Variants in EFCAB11 observed in about 807,000 individuals in gnomAD.
EFCAB11 encodes EF-hand calcium-binding domain-containing protein 11.
A neutral mutation model predicts 23.0 loss-of-function variants in EFCAB11; 14 were observed. The observed-to-expected ratio is 0.61, with a 90% CI of 0.40 to 0.95. EFCAB11 has a LOEUF of 0.95. Among genes scored for constraint, EFCAB11 ranks in the 40% least tolerant of loss-of-function variants. The pLI is 0.00. For synonymous variants in EFCAB11, 65 were observed against 66.6 expected, an observed-to-expected ratio of 0.98 and a Z score of 0.11; for missense variants, 198 against 195.8, an observed-to-expected ratio of 1.01 and a Z score of -0.07.
chr14:89,892,572 T>A, intron 5 of EFCAB11: 1 of 769,826 alleles, frequency 1.3e-6, no homozygotes, highest in Non-Finnish European at 2.0e-6. Flanking sequence ...ACAGTCATGC[T>A]TCCTGGATTT....
chr14:89,924,053 C>G, intron 5 of EFCAB11: 1 of 985,574 alleles, frequency 1.0e-6, no homozygotes, highest in Non-Finnish European at 1.2e-6. Context: ...GATATAACAT[C>G]TATATAATTT....
At chr14:89,801,161 C>T (rs1885767633) in intron 5 of EFCAB11, among the ~76,000 whole-genome samples, 2 of 151,962 alleles carry the variant, frequency 1.3e-5, no homozygotes, top group South Asian at 4.1e-4. Flanking sequence ...CAGGGAGATG[C>T]CATATAAGAA....
At chr14:89,844,699 C>A (rs959404814) in intron 5 of EFCAB11, among the ~76,000 whole-genome samples, 2 of 152,258 alleles carry the variant, frequency 1.3e-5, no homozygotes, top group Non-Finnish European at 2.9e-5. Context: ...CATCCCCACA[C>A]CCGATACCTG....
intron 5 of EFCAB11, among the ~76,000 whole-genome samples, chr14:89,908,483 C>T (rs1889564809): frequency 6.6e-6 from 1 of 152,152 alleles, no homozygotes; most frequent in Admixed American, 6.5e-5. Context: ...ACTTCTTATG[C>T]ACAAAACTAT....
At chr14:89,834,435 G>GCAAGA (rs1887004591) in intron 5 of EFCAB11, among the ~76,000 whole-genome samples, 1 of 147,696 alleles carries the variant, frequency 6.8e-6, no homozygotes, top group African/African-American at 2.5e-5. Flanking sequence ...AGATTTGTGA[G>GCAAGA]TCTACTTGCA....
intron 5 of EFCAB11, among the ~76,000 whole-genome samples, chr14:89,820,596 G>T (rs1489186647): frequency 6.6e-6 from 1 of 151,370 alleles, no homozygotes; most frequent in Non-Finnish European, 1.5e-5. Context: ...ACTCCCACTC[G>T]GCCCACATAA....
At chr14:89,869,559 A>G (rs1888203681) in intron 5 of EFCAB11, among the ~76,000 whole-genome samples, 1 of 152,234 alleles carries the variant, frequency 6.6e-6, no homozygotes, top group Non-Finnish European at 1.5e-5. Context: ...TGCCACTGTT[A>G]GAAGCATGAG....
At chr14:89,869,138 G>A (rs1167715690) in intron 5 of EFCAB11, among the ~76,000 whole-genome samples, 3 of 152,292 alleles carry the variant, frequency 2.0e-5, no homozygotes, top group Middle Eastern at 3.4e-3. Flanking sequence ...AGGAGCTCGA[G>A]GCTGCAGTGA....
At chr14:89,935,963 G>A (rs1293136620) in intron 3 of EFCAB11, among the ~76,000 whole-genome samples, 1 of 151,950 alleles carries the variant, frequency 6.6e-6, no homozygotes, top group Non-Finnish European at 1.5e-5. Context: ...AGCCGAGATC[G>A]TGCCACTGCA....
At chr14:89,925,479 T>C (rs943904365) in intron 5 of EFCAB11, among the ~76,000 whole-genome samples, 1 of 152,190 alleles carries the variant, frequency 6.6e-6, no homozygotes, top group African/African-American at 2.4e-5. Flanking sequence ...ACATTAATTC[T>C]ATAGTACAAA....
Position 89,860,366 on chromosome 14 carries a change from A to AAAACAAACAAACAAAC in EFCAB11, c.411-63058_411-63043dup, listed in dbSNP as rs372088634. 4.2e-3 allele frequency among the ~76,000 whole-genome samples: 640 copies of AAAACAAACAAACAAAC among 151,544 alleles called. 6 individuals carry two copies. The highest frequency in any genetic ancestry group is 0.015 in the African/African-American group (608 of 40,952). Reference sequence around the variant, plus strand: ...GCGACAAGAGTGAAAACTCCATCTCAAAACAAACAAACAAACAAACAAACA... The same window carrying AAAACAAACAAACAAAC: ...GCGACAAGAGTGAAAACTCCATCTCAAAACAAACAAACAAACAAACAAACAAACAAACAAACAAACA... On this transcript the variant is annotated intron_variant, in intron 5 of 5. Coordinates refer to ENST00000316738, the MANE Select transcript of EFCAB11 (RefSeq NM_145231.4).
chr14:89,824,622 T>C (rs1033051544), intron 5 of EFCAB11, among the ~76,000 whole-genome samples: 2 of 152,106 alleles, frequency 1.3e-5, no homozygotes, highest in African/African-American at 4.8e-5. Context: ...GACTCAACTG[T>C]ATGCTGTCCT....
At chr14:89,807,942 T>C (rs1027487429) in intron 5 of EFCAB11, among the ~76,000 whole-genome samples, 1 of 152,122 alleles carries the variant, frequency 6.6e-6, no homozygotes, top group African/African-American at 2.4e-5. Context: ...CAGAAATATG[T>C]ATATATAGGA....
chr14:89,924,070 C>T (rs1429362052), intron 5 of EFCAB11: 2 of 985,410 alleles, frequency 2.0e-6, no homozygotes, highest in South Asian at 4.7e-5. Flanking sequence ...ATTTTTCTGC[C>T]AAGGGAATAT....
intron 3 of EFCAB11, among the ~76,000 whole-genome samples, chr14:89,939,747 T>C (rs184420899): frequency 7.2e-5 from 11 of 152,324 alleles, no homozygotes; most frequent in Admixed American, 5.9e-4. Flanking sequence ...ATAAGATATA[T>C]ACACATTTTT....
At chr14:89,877,055 T>C (rs989888033) in intron 5 of EFCAB11, among the ~76,000 whole-genome samples, 16 of 152,118 alleles carry the variant, frequency 1.1e-4, no homozygotes, top group Admixed American at 1.0e-3. Flanking sequence ...TTTTTTTTTT[T>C]TTGAGATGGA....
intron 5 of EFCAB11, among the ~76,000 whole-genome samples, chr14:89,806,055 G>T (rs1446275106): frequency 6.6e-6 from 1 of 152,152 alleles, no homozygotes; most frequent in Non-Finnish European, 1.5e-5. Flanking sequence ...GATTCTTAAT[G>T]CACTGAAGAG....
chr14:89,921,349 G>A (rs1245407029), intron 5 of EFCAB11, among the ~76,000 whole-genome samples: 3 of 152,128 alleles, frequency 2.0e-5, no homozygotes, highest in Non-Finnish European at 4.4e-5. Context: ...TTGTATGTCA[G>A]GCTAAGGAAT....
chr14:89,848,205 A>G (rs1887495177), intron 5 of EFCAB11, among the ~76,000 whole-genome samples: 1 of 152,186 alleles, frequency 6.6e-6, no homozygotes, highest in South Asian at 2.1e-4. Context: ...AGGCTTAGAG[A>G]ATTACTCTGC....
Sources: allele counts gnomAD v4.1 joint callset (sites outside exome capture counted in the v4.1 genomes callset), GRCh38; gene constraint gnomAD v4.1.1; transcripts MANE v1.5; gene names NCBI Gene and HGNC (gene_info 2026-07-23, HGNC 2026-07-21).